The following DROSHA variants were observed in gnomAD, a reference collection of about 807,000 sequenced individuals.
The protein encoded by DROSHA is ribonuclease 3.
A neutral mutation model predicts 181.9 loss-of-function variants in DROSHA; 56 were observed. That is an observed-to-expected ratio of 0.31 (90% CI 0.25 to 0.38). DROSHA has a LOEUF of 0.38. Among genes scored for constraint, DROSHA ranks in the 10% least tolerant of loss-of-function variants. The pLI is 1.00. For synonymous variants in DROSHA, 524 were observed against 591.2 expected (o/e 0.89, Z 1.65); for missense variants, 1,218 against 1,743.5 (o/e 0.70, Z 5.37).
chr5:31,472,005 A>G, intron 17 of DROSHA, 58 bp downstream of exon 17: 2 of 1,465,698 alleles, frequency 1.4e-6, no homozygotes, highest in East Asian at 2.5e-5. Context: ...TTCATGAAAC[A>G]TTCAGATCTG....
Position 31,489,457 on chromosome 5 carries a change from G to A in DROSHA, c.1843-2895C>T, listed in dbSNP as rs116626327. Among the ~76,000 whole-genome samples, 1,184 of 152,198 alleles carry A rather than the reference G, an allele frequency of 7.8e-3. 23 individuals carry two copies. Among genetic ancestry groups the A allele is most frequent in the African/African-American group, 0.027 (1,119 of 41,512 alleles). ...TCAGACACACAAATTTGGAAAGGCA[G>A]GATCTCCTCATCTATTCAAACTGTA... On this transcript the variant is annotated intron_variant, in intron 13 of 35. Transcript: ENST00000344624.
chr5:31,504,507 ACTT>A (rs2150050161), intron 11 of DROSHA, 45 bp downstream of exon 11: 2 of 1,588,732 alleles, frequency 1.3e-6, no homozygotes, highest in African/African-American at 1.3e-5. Flanking sequence ...ACATCTGTCT[ACTT>A]CTGGCTTCTC....
intron 21 of DROSHA, among the ~76,000 whole-genome samples, chr5:31,451,159 G>A (rs1229064169): frequency 1.3e-5 from 2 of 152,022 alleles, no homozygotes; most frequent in South Asian, 2.1e-4. Context: ...CCGAGATCAC[G>A]CCATTGCACT....
rs1401757111 is a variant in DROSHA, at chr5:31,526,894, G to A, written c.39C>T (p.His13=). ...GTCCTCGGGGACACCCTCGTCCCGG[G>A]TGGAACGACATTCTGTGACTTCATG... ...QGNTCHRMSF[H]PGRGCPRGRG... is the part of the protein sequence containing the mutation. The change falls in exon 5 of 36, where the codon CAC becomes CAT. Residue 13 remains histidine (H), a synonymous_variant. Coordinates refer to ENST00000344624, the MANE Select transcript of DROSHA (RefSeq NM_001382508.1). The A allele has an allele frequency of 1.2e-5, 20 of 1,612,734 alleles. No homozygotes were observed. The highest frequency in any genetic ancestry group is 1.7e-5 in the Admixed American group (1 of 59,966).
At chr5:31,528,833 C>T (rs140650006) in intron 4 of DROSHA, among the ~76,000 whole-genome samples, 3 of 152,218 alleles carry the variant, frequency 2.0e-5, no homozygotes, top group East Asian at 1.9e-4. Context: ...GTCAGGGCAG[C>T]GCTCTGGGAT....
At position 31,526,901 on chromosome 5, in the gene DROSHA, G is replaced by A. The variant is rs774425927; in HGVS notation, c.32C>T (p.Ser11Leu). 8 of 1,612,446 alleles carry A rather than the reference G, an allele frequency of 5.0e-6. No homozygotes were observed. In the East Asian group the frequency reaches 6.7e-5, roughly 13 times the overall value. Residue 11 changes from serine to leucine, a missense_variant, in exon 5 of 36, where the codon TCG (serine) becomes TTG (leucine). By Grantham distance (145) the Ser-to-Leu change is moderately radical. Coordinates refer to ENST00000344624, the MANE Select transcript of DROSHA (RefSeq NM_001382508.1). ...GGGACACCCTCGTCCCGGGTGGAAC[G>A]ACATTCTGTGACTTCATGGCAGAAA... MMQGNTCHRM[S>L]FHPGRGCPRG...
chr5:31,484,570 T>C (rs191967459), intron 15 of DROSHA, among the ~76,000 whole-genome samples: 1 of 152,154 alleles, frequency 6.6e-6, no homozygotes, highest in East Asian at 1.9e-4. Context: ...CAAAGTTTAC[T>C]AGATTTAAAA....
chr5:31,504,422 C>T, intron 11 of DROSHA, 133 bp downstream of exon 11: 2 of 981,802 alleles, frequency 2.0e-6, no homozygotes, highest in Non-Finnish European at 2.9e-6. Flanking sequence ...CTGCAATTAT[C>T]AGTAAGAGAC....
At chr5:31,476,935 C>T (rs1322470850) in intron 16 of DROSHA, among the ~76,000 whole-genome samples, 1 of 152,170 alleles carries the variant, frequency 6.6e-6, no homozygotes, top group Non-Finnish European at 1.5e-5. Flanking sequence ...TCTGCCTTGC[C>T]ACTTGTTTAT....
rs1737799875 is a variant in DROSHA, at chr5:31,505,369, C to T, written c.1588-734G>A. ...CACTTAAAAGTAGGTAATGCTGGGG[C>T]GTCAAACAGATGAGATGGACAAGAA... is the stretch of plus-strand genomic sequence containing the variant. On this transcript the variant is annotated intron_variant, in intron 10 of 35. Coordinates refer to ENST00000344624, the MANE Select transcript of DROSHA (RefSeq NM_001382508.1). Among the ~76,000 whole-genome samples, 3 of 152,130 alleles carry T rather than the reference C, an allele frequency of 2.0e-5. No individual in the cohort carries two copies. In the East Asian group the frequency reaches 5.8e-4, roughly 29 times the overall value.
chr5:31,483,778 T>C (rs1179330254), intron 15 of DROSHA, 150 bp from the exon 16 acceptor site: 1 of 711,588 alleles, frequency 1.4e-6, no homozygotes, highest in Non-Finnish European at 2.3e-6. Flanking sequence ...CTGCCACTCC[T>C]CCTCAGTGGC....
chr5:31,460,102 C>T (rs775585116), intron 20 of DROSHA, among the ~76,000 whole-genome samples: 2 of 152,074 alleles, frequency 1.3e-5, no homozygotes, highest in African/African-American at 4.8e-5. Context: ...TGTGTGAAAC[C>T]CTATTCTTAA....
At chr5:31,486,400 C>T (rs935931318) in intron 14 of DROSHA, 91 bp downstream of exon 14, 19 of 1,325,788 alleles carry the variant, frequency 1.4e-5, no homozygotes, top group Admixed American at 2.2e-5. Flanking sequence ...TGGCAAAAGC[C>T]AGATCTGGCC....
In DROSHA at chr5:31,401,336, CTTCA is replaced by C. The variant is rs769605158; in HGVS notation, c.*92_*95del. On this transcript the variant is annotated 3_prime_UTR_variant, in exon 36 of 36. Coordinates refer to ENST00000344624, the MANE Select transcript of DROSHA (RefSeq NM_001382508.1). ...TCTGTATTTTATTTCAATGAGCACA[CTTCA>C]TTCATTGTCTGCAGGAAAACTAGGC... 6.6e-7 allele frequency: 1 copy of C among 1,506,386 alleles called. No individual in the cohort carries two copies. The highest frequency in any genetic ancestry group is 9.2e-7 in the Non-Finnish European group (1 of 1,091,470). 93.3% of individuals were successfully genotyped at this position (1,506,386 alleles called of 1,614,324 possible).
rs751507949 is a variant in DROSHA, at chr5:31,409,028, C to A, written c.3854+28G>T. ...CAATTTTAGGCATGCTGGATCCAAC[C>A]AATGGCCTGCAGGCAACAAGTACTT... On this transcript the variant is annotated intron_variant, in intron 33 of 35. Transcript: ENST00000344624. The surrounding 1 kb of genome is among the most constrained non-coding windows in gnomAD (Gnocchi z 4.0). The A allele has an allele frequency of 6.2e-6, 10 of 1,602,856 alleles. No individual in the cohort carries two copies. The Middle Eastern group carries it at 6.7e-4, about 107-fold the overall frequency.
chr5:31,489,402 G>A (rs1177886777), intron 13 of DROSHA, among the ~76,000 whole-genome samples: 1 of 151,738 alleles, frequency 6.6e-6, no homozygotes, highest in East Asian at 1.9e-4. Context: ...ATTTTCTTTT[G>A]GGCTTCCATC....
chr5:31,468,682 T>C (rs947364714), intron 17 of DROSHA, among the ~76,000 whole-genome samples: 2 of 152,190 alleles, frequency 1.3e-5, no homozygotes, highest in Admixed American at 1.3e-4. Context: ...ATTTGTGAAA[T>C]GGCTTTCATC....
Position 31,526,788 on chromosome 5 carries a change from C to T in DROSHA, c.145G>A (p.Val49Met), listed in dbSNP as rs762025768. Residue 49 changes from valine to methionine, a missense_variant, in exon 5 of 36, where the codon GTG (valine) becomes ATG (methionine). By Grantham distance (21) the Val-to-Met change is conservative. Around this residue, in one of 8 missense-constraint regions of DROSHA, gnomAD observed 536 missense variants for 535.4 expected, o/e 1.00. Coordinates refer to ENST00000344624, the MANE Select transcript of DROSHA (RefSeq NM_001382508.1). ...LRLLHPQQPPVQYQYEPPSAP... is the reference protein window; with the variant it reads ...LRLLHPQQPPMQYQYEPPSAP... ...CTTGGAGGTTCATATTGATATTGCA[C>T]AGGAGGCTGCTGAGGGTGAAGCAGC... 4 of 1,608,708 alleles carry T rather than the reference C, an allele frequency of 2.5e-6. No individual in the cohort carries two copies. Among genetic ancestry groups the T allele is most frequent in the African/African-American group, 1.3e-5 (1 of 74,448 alleles).
rs7704910 is a variant in DROSHA, at chr5:31,447,446, C to T, written c.2882+1101G>A. 7.1e-3 allele frequency among the ~76,000 whole-genome samples: 1,087 copies of T among 152,328 alleles called. 12 individuals carry two copies. The highest frequency in any genetic ancestry group is 0.025 in the African/African-American group (1,026 of 41,558). ...AACATAATGCCTATCAAAATCCCCA[C>T]TGACTTATTTGCAGAAATTGACAAG... is the stretch of plus-strand genomic sequence containing the variant. On this transcript the variant is annotated intron_variant, in intron 23 of 35. Coordinates refer to ENST00000344624, the MANE Select transcript of DROSHA (RefSeq NM_001382508.1).
Sources: gnomAD v4.1 joint callset for allele counts (sites outside exome capture counted in the v4.1 genomes callset) on GRCh38, gnomAD v4.1.1 for gene constraint, gnomAD v4.1.1 regional missense constraint, Gnocchi (gnomAD v3.1) non-coding constraint, MANE v1.5 for transcripts, NCBI Gene and HGNC (gene_info 2026-07-23, HGNC 2026-07-21) for gene names.